The following GNG12 variants were observed in gnomAD, a reference collection of about 807,000 sequenced individuals.
The protein encoded by GNG12 is G protein subunit gamma 12, also known as guanine nucleotide-binding protein G(I)/G(S)/G(O) subunit gamma-12.
For missense variants in GNG12, 69 were observed against 83.8 expected (o/e 0.82, Z 0.69); for synonymous variants, 28 against 29.7 (o/e 0.94, Z 0.19).
rs149869146 is a variant in GNG12, at chr1:67,805,369, G to A, written c.-76-27862C>T. On this transcript the variant is annotated intron_variant, in intron 1 of 3. Transcript: ENST00000370982. ...ATCAGAACCAGAATCAGAAATTGCA[G>A]GAATGCTGAATAATCAGACCAGGAA... Among the ~76,000 whole-genome samples the A allele has an allele frequency of 2.9e-3, 440 of 152,240 alleles. 2 individuals are homozygous for A. Among genetic ancestry groups the A allele is most frequent in the Middle Eastern group, 0.014 (4 of 294 alleles).
intron 2 of GNG12, among the ~76,000 whole-genome samples, chr1:67,724,965 T>C (rs1247134589): frequency 6.6e-6 from 1 of 152,274 alleles, no homozygotes; most frequent in Non-Finnish European, 1.5e-5. Context: ...TATCATTATT[T>C]GTCATGAAAG....
intron 2 of GNG12, among the ~76,000 whole-genome samples, chr1:67,765,606 A>G (rs572213875): frequency 2.2e-4 from 34 of 152,110 alleles, no homozygotes; most frequent in African/African-American, 7.5e-4. Context: ...TGTATATTTC[A>G]ACCCTTATTC....
chr1:67,751,457 A>C (rs3766271), intron 2 of GNG12, among the ~76,000 whole-genome samples: 17,984 of 152,086 alleles, frequency 0.12, 1,391 homozygotes, highest in African/African-American at 0.22. Context: ...CCTTCAGTTG[A>C]CTGTCCCACA....
chr1:67,738,346 T>C (rs953343742), intron 2 of GNG12, among the ~76,000 whole-genome samples: 7 of 152,312 alleles, frequency 4.6e-5, no homozygotes, highest in East Asian at 1.9e-4. Flanking sequence ...TGTGCAACAA[T>C]AGCCACAGAT....
intron 2 of GNG12, among the ~76,000 whole-genome samples, chr1:67,743,080 G>T (rs770162882): frequency 6.6e-6 from 1 of 152,178 alleles, no homozygotes; most frequent in Non-Finnish European, 1.5e-5. Context: ...GAAGAATAAA[G>T]GTTTCTTTTT....
At chr1:67,792,763 C>A (rs555983578) in intron 1 of GNG12, among the ~76,000 whole-genome samples, 1 of 152,290 alleles carries the variant, frequency 6.6e-6, no homozygotes, top group African/African-American at 2.4e-5. Flanking sequence ...TTGGGCCTAG[C>A]AGCCACAGAA....
chr1:67,792,047 C>T (rs1035872711), intron 1 of GNG12, among the ~76,000 whole-genome samples: 4 of 152,198 alleles, frequency 2.6e-5, no homozygotes, highest in Admixed American at 1.3e-4. Flanking sequence ...CACTGCCTCA[C>T]TTCTTTCAGG....
chr1:67,761,606 G>C (rs1451934670), intron 2 of GNG12, among the ~76,000 whole-genome samples: 1 of 152,158 alleles, frequency 6.6e-6, no homozygotes, highest in Non-Finnish European at 1.5e-5. Flanking sequence ...TATCTACAAA[G>C]CCTGCAAGGT....
intron 2 of GNG12, among the ~76,000 whole-genome samples, chr1:67,742,965 T>C (rs1281620164): frequency 1.3e-5 from 2 of 152,138 alleles, no homozygotes; most frequent in African/African-American, 2.4e-5. Context: ...CTAGATGGTA[T>C]GCAGGTCTGA....
At chr1:67,742,484 C>T (rs1024541671) in intron 2 of GNG12, among the ~76,000 whole-genome samples, 5 of 152,130 alleles carry the variant, frequency 3.3e-5, no homozygotes, top group Non-Finnish European at 7.3e-5. Flanking sequence ...AACTCTGTGG[C>T]AGGCACTGTG....
At chr1:67,794,042 A>G (rs1646816045) in intron 1 of GNG12, among the ~76,000 whole-genome samples, 1 of 152,252 alleles carries the variant, frequency 6.6e-6, no homozygotes, top group Non-Finnish European at 1.5e-5. Context: ...TCTCCTCAGC[A>G]TAAACAGAAT....
intron 1 of GNG12, among the ~76,000 whole-genome samples, chr1:67,819,003 T>C (rs1291026575): frequency 6.6e-6 from 1 of 151,888 alleles, no homozygotes; most frequent in Non-Finnish European, 1.5e-5. Context: ...TGTCTATGAG[T>C]TCAGGAAGTG....
In GNG12 at chr1:67,763,090, G is replaced by GGAGAGAGAGA. The variant is rs71064962; in HGVS notation, c.-27+14358_-27+14367dup. ...CTATATTTAACACCCTACCCTCCCA[G>GGAGAGAGAGA]GAGAGAGAGAGAGAGAGAGAGAGAG... On this transcript the variant is annotated intron_variant, in intron 2 of 3. Coordinates refer to ENST00000370982, the MANE Select transcript of GNG12 (RefSeq NM_018841.6). Among the ~76,000 whole-genome samples the GGAGAGAGAGA allele has an allele frequency of 6.5e-3, 757 of 116,768 alleles. 18 individuals are homozygous for GGAGAGAGAGA. The highest frequency in any genetic ancestry group is 0.017 in the African/African-American group (530 of 30,912). The allele number at this position is 116,768 out of a possible 152,430, so 76.6% of individuals were successfully genotyped here. A position where few individuals can be genotyped will look rare whatever the true frequency, so the allele number is the denominator to read the frequency against.
intron 1 of GNG12, among the ~76,000 whole-genome samples, chr1:67,817,787 C>CTTTTTTT (rs66518207): frequency 3.7e-5 from 4 of 108,254 alleles, no homozygotes; most frequent in East Asian, 2.6e-4. Flanking sequence ...TTCTTTCTTT[C>CTTTTTTT]TTTTTTTTTT....
At chr1:67,738,555 C>T (rs559053142) in intron 2 of GNG12, among the ~76,000 whole-genome samples, 47 of 152,280 alleles carry the variant, frequency 3.1e-4, no homozygotes, top group African/African-American at 1.1e-3. Context: ...GACCTCTCAA[C>T]ATTCCACTTG....
chr1:67,803,990 G>A (rs892455422), intron 1 of GNG12, among the ~76,000 whole-genome samples: 1 of 152,324 alleles, frequency 6.6e-6, no homozygotes, highest in East Asian at 1.9e-4. Context: ...CAACAGGATG[G>A]ATGGAGTCCA....
chr1:67,744,875 T>C (rs1405699165), intron 2 of GNG12, among the ~76,000 whole-genome samples: 1 of 152,190 alleles, frequency 6.6e-6, no homozygotes, highest in Non-Finnish European at 1.5e-5. Context: ...TGTGATCCTA[T>C]TTAAAACTAC....
chr1:67,722,298 G>C (rs1423674848), intron 2 of GNG12, among the ~76,000 whole-genome samples: 1 of 152,142 alleles, frequency 6.6e-6, no homozygotes, highest in Non-Finnish European at 1.5e-5. Context: ...ATTCAGGAGA[G>C]AAAAAGGCTG....
chr1:67,757,386 C>T (rs1015133549), intron 2 of GNG12, among the ~76,000 whole-genome samples: 3 of 152,188 alleles, frequency 2.0e-5, no homozygotes, highest in Non-Finnish European at 4.4e-5. Context: ...GGAAGCACCA[C>T]TCTAGACAAG....
Sources: allele counts gnomAD v4.1 joint callset (sites outside exome capture counted in the v4.1 genomes callset), GRCh38; gene constraint gnomAD v4.1.1; transcripts MANE v1.5; gene names NCBI Gene and HGNC (gene_info 2026-07-23, HGNC 2026-07-21).